The following PINLYP variants were observed in gnomAD, a reference collection of about 807,000 sequenced individuals.
PINLYP encodes phospholipase A2 inhibitor and Ly6/PLAUR domain-containing protein.
PINLYP carries 12 observed loss-of-function variants against 15.8 expected under a neutral mutation model. The ratio of observed to expected loss-of-function variants is 0.76; its 90% confidence interval spans 0.49 to 1.23. The LOEUF is 1.23. PINLYP is among the 50% of genes most tolerant of loss of function. The pLI is 0.00. For synonymous variants in PINLYP, 93 were observed against 97.7 expected, an observed-to-expected ratio of 0.95 and a Z score of 0.28; for missense variants, 278 against 264.2, an observed-to-expected ratio of 1.05 and a Z score of -0.36.
chr19:43,581,921 T>G (rs1448212017), exon 6 of PINLYP: 2 of 1,536,654 alleles, frequency 1.3e-6, no homozygotes, highest in South Asian at 1.2e-5. Context: ...GAGTATGTGC[T>G]TTACCAAGCC....
exon 1 of PINLYP, among the ~76,000 whole-genome samples, chr19:43,576,220 G>C (rs1234713878): frequency 6.6e-6 from 1 of 152,102 alleles, no homozygotes; most frequent in Non-Finnish European, 1.5e-5. Flanking sequence ...CGCTGGGCTA[G>C]GACAGCAAAT....
chr19:43,579,726 C>A, intron 3 of PINLYP, among the ~76,000 whole-genome samples: 1 of 144,896 alleles, frequency 6.9e-6, no homozygotes, highest in African/African-American at 2.6e-5. Flanking sequence ...AAAAGAGATC[C>A]ATCTCTACAG....
chr19:43,581,631 T>C, exon 5 of PINLYP: 1 of 1,536,550 alleles, frequency 6.5e-7, no homozygotes, highest in Non-Finnish European at 8.7e-7. Context: ...CAGGGACAAA[T>C]GCATGGGGCC....
At chr19:43,581,385 G>A in intron 4 of PINLYP, 21 bp downstream of exon 4, 3 of 1,536,322 alleles carry the variant, frequency 2.0e-6, no homozygotes, top group Non-Finnish European at 2.6e-6. Context: ...CGTGGTGTGT[G>A]GTGTGTGCTC....
intron 3 of PINLYP, chr19:43,580,524 T>C (rs1034289355): frequency 5.1e-6 from 5 of 981,146 alleles, no homozygotes; most frequent in Non-Finnish European, 6.0e-6. Flanking sequence ...GGCGGGGAGT[T>C]GAGGAGGCTG....
In PINLYP at chr19:43,581,552, C is replaced by T. The variant is rs753435086; in HGVS notation, c.341-11C>T. 15 of 1,532,962 alleles carry T rather than the reference C, an allele frequency of 9.8e-6. No homozygotes were observed. In the South Asian group the frequency reaches 1.8e-4, roughly 18 times the overall value. 95.0% of individuals were successfully genotyped at this position (1,532,962 alleles called of 1,614,324 possible). On this transcript the variant is annotated splice_polypyrimidine_tract_variant and intron_variant, in intron 4 of 5. Transcript: ENST00000599207. ...ATCCCTATTCACCTTACACTTCATC[C>T]TCATCCTCAGTTCCCTTGACCAATC...
At chr19:43,580,449 G>A (rs1393241795) in intron 3 of PINLYP, 2 of 825,390 alleles carry the variant, frequency 2.4e-6, no homozygotes, top group East Asian at 2.5e-4. Flanking sequence ...CAGGATCTGA[G>A]AGAGGAGGAT....
At chr19:43,579,779 G>A (rs1972908329) in intron 3 of PINLYP, among the ~76,000 whole-genome samples, 1 of 151,600 alleles carries the variant, frequency 6.6e-6, no homozygotes, top group Non-Finnish European at 1.5e-5. Flanking sequence ...GCACATGCCT[G>A]TAGTCCCAGC....
chr19:43,577,657 C>G (rs1017549305), intron 2 of PINLYP, among the ~76,000 whole-genome samples: 4 of 151,232 alleles, frequency 2.6e-5, no homozygotes, highest in African/African-American at 9.7e-5. Context: ...AACCCCAGCA[C>G]TTTAAGAGGC....
exon 2 of PINLYP, chr19:43,577,239 G>A: frequency 6.5e-7 from 1 of 1,536,030 alleles, no homozygotes; most frequent in Non-Finnish European, 8.7e-7. Context: ...CCTTTGTGTT[G>A]CTCTGCACCC....
intron 3 of PINLYP, among the ~76,000 whole-genome samples, chr19:43,580,122 G>A (rs557358905): frequency 6.6e-6 from 1 of 152,254 alleles, no homozygotes; most frequent in African/African-American, 2.4e-5. Context: ...CACTGGTCGG[G>A]AGAGGCTGTG....
At chr19:43,577,232 T>A in exon 2 of PINLYP, 2 of 1,535,878 alleles carry the variant, frequency 1.3e-6, no homozygotes, top group Non-Finnish European at 8.7e-7. Flanking sequence ...CTGCTGGCCT[T>A]TGTGTTGCTC....
In PINLYP at chr19:43,575,847, C is replaced by A. The variant is rs370342634; in HGVS notation, c.-1150C>A. On this transcript the variant is annotated 5_prime_UTR_variant, in exon 1 of 6. Coordinates refer to ENST00000599207, the Ensembl canonical transcript of PINLYP. The stretch of plus-strand genomic sequence containing the variant: ...TTCTCATTGCACGATGGAGTTACCG[C>A]CCACACTGAAGCCGAGAAAGCAAAT... The A allele has an allele frequency of 2.6e-4, 50 of 193,146 alleles. 1 individual carries two copies. The highest frequency in any genetic ancestry group is 1.1e-3 in the African/African-American group (48 of 43,104). 12.0% of individuals were successfully genotyped at this position (193,146 alleles called of 1,614,324 possible).
intron 3 of PINLYP, among the ~76,000 whole-genome samples, chr19:43,579,453 G>A (rs1249789979): frequency 6.6e-6 from 1 of 151,396 alleles, no homozygotes; most frequent in Non-Finnish European, 1.5e-5. Context: ...CGCCATGTTG[G>A]CCAGGCTGGT....
At position 43,581,719 on chromosome 19, in the gene PINLYP, A is replaced by G. The variant is rs553766113; in HGVS notation, c.481+16A>G. On this transcript the variant is annotated intron_variant, in intron 5 of 5. Transcript: ENST00000599207. ...GTGCAGGCTGGTGAGTGGTGCCTGA[A>G]TCTCTGGAAAAGGAAACAGAACTAG... 1 of 1,536,004 alleles carries G rather than the reference A, an allele frequency of 6.5e-7. No individual in the cohort carries two copies. The highest frequency in any genetic ancestry group is 2.0e-5 in the Admixed American group (1 of 50,956).
At chr19:43,580,929 C>A in intron 3 of PINLYP, 1 of 323,684 alleles carries the variant, frequency 3.1e-6, no homozygotes. Flanking sequence ...TGGTGAAACC[C>A]CGTCTCTATT....
At chr19:43,582,016 A>G (rs902562128) in exon 6 of PINLYP, 18 of 1,535,670 alleles carry the variant, frequency 1.2e-5, no homozygotes, top group Middle Eastern at 1.7e-4. Context: ...CTATCTGAAC[A>G]GAGGAAGATA....
chr19:43,580,830 A>G lies in PINLYP; in HGVS notation c.188-382A>G, dbSNP rs796662896. Among the ~76,000 whole-genome samples the G allele has an allele frequency of 3.2e-4, 48 of 152,194 alleles. 1 individual carries two copies. Among genetic ancestry groups the G allele is most frequent in the African/African-American group, 1.1e-3 (45 of 41,540 alleles). The stretch of plus-strand genomic sequence containing the variant: ...GAGACCGCCCCGGCCGGGCTGGCGC[A>G]GTGGCTCCCGCCTGTAATCCCAGCA... On this transcript the variant is annotated intron_variant, in intron 3 of 5. Coordinates refer to ENST00000599207, the Ensembl canonical transcript of PINLYP.
intron 3 of PINLYP, chr19:43,580,731 G>A (rs1396848752): frequency 7.2e-6 from 7 of 968,212 alleles, no homozygotes; most frequent in Non-Finnish European, 8.6e-6. Flanking sequence ...GCAGCGGGAG[G>A]GAGGGCTACC....
Sources: allele counts gnomAD v4.1 joint callset (sites outside exome capture counted in the v4.1 genomes callset), GRCh38; gene constraint gnomAD v4.1.1; transcripts MANE v1.5; gene names NCBI Gene and HGNC (gene_info 2026-07-23, HGNC 2026-07-21).